The following GTF2I variants were observed in gnomAD, a reference collection of about 807,000 sequenced individuals.
GTF2I encodes the protein general transcription factor IIi.
A neutral mutation model predicts 67.6 loss-of-function variants in GTF2I; 12 were observed. The observed-to-expected ratio is 0.18, with a 90% CI of 0.11 to 0.29. GTF2I has a LOEUF of 0.29. GTF2I is among the 10% of genes least tolerant of loss of function. The probability of loss-of-function intolerance (pLI) is 1.00; values close to 1 mark genes in which losing one functional copy is unlikely to be tolerated. For synonymous variants in GTF2I, 149 were observed against 197.0 expected (o/e 0.76, Z 2.04); for missense variants, 271 against 580.1 (o/e 0.47, Z 5.47).
At chr7:74,659,294 C>T (rs1804258219) in intron 1 of GTF2I, among the ~76,000 whole-genome samples, 1 of 151,948 alleles carries the variant, frequency 6.6e-6, no homozygotes, top group African/African-American at 2.4e-5. Context: ...GTGGCACAAT[C>T]ATAGCACATT....
chr7:74,699,878 T>C (rs1345101341), intron 4 of GTF2I: 1 of 194,074 alleles, frequency 5.2e-6, no homozygotes, highest in Admixed American at 5.3e-5. Context: ...GCCAAAACAT[T>C]CCTGGTATTT....
chr7:74,697,501 C>T (rs1789047099), intron 3 of GTF2I, among the ~76,000 whole-genome samples: 1 of 152,166 alleles, frequency 6.6e-6, no homozygotes, highest in Non-Finnish European at 1.5e-5. Context: ...TTGGACCAGC[C>T]AAGTTGCAAG....
rs370554167 is a variant in GTF2I at position 74,675,852 on chromosome 7, A to G, written c.-5-13272A>G. 3.9e-5 allele frequency among the ~76,000 whole-genome samples: 6 copies of G among 152,192 alleles called. 1 individual carries two copies. In the East Asian group the frequency reaches 7.7e-4, roughly 20 times the overall value. On this transcript the variant is annotated intron_variant, in intron 1 of 34. Coordinates refer to ENST00000573035, the MANE Select transcript of GTF2I (RefSeq NM_032999.4). ...TGGCAAAACCCCGTCTCTACTAAAAATACAAAAATTAGCTGGGCATGGTGA... is the reference window on the plus strand; with the variant it reads ...TGGCAAAACCCCGTCTCTACTAAAAGTACAAAAATTAGCTGGGCATGGTGA...
At chr7:74,665,538 A>C (rs1804903112) in intron 1 of GTF2I, among the ~76,000 whole-genome samples, 1 of 152,178 alleles carries the variant, frequency 6.6e-6, no homozygotes. Context: ...GGCCTGAGCC[A>C]CCACGCCTGG....
intron 3 of GTF2I, among the ~76,000 whole-genome samples, chr7:74,695,148 G>T (rs1554398055): frequency 2.6e-5 from 4 of 151,976 alleles, no homozygotes; most frequent in Non-Finnish European, 5.9e-5. Context: ...AGTTTTTTTT[G>T]AGACAGAGTT....
chr7:74,660,818 C>G (rs587606181), intron 1 of GTF2I, among the ~76,000 whole-genome samples: 7 of 152,026 alleles, frequency 4.6e-5, no homozygotes, highest in Non-Finnish European at 8.8e-5. Flanking sequence ...TGCATCTGGC[C>G]TAGTCACTGG....
At chr7:74,666,453 G>A (rs1804979211) in intron 1 of GTF2I, among the ~76,000 whole-genome samples, 1 of 152,026 alleles carries the variant, frequency 6.6e-6, no homozygotes, top group Non-Finnish European at 1.5e-5. Flanking sequence ...ATGAGGAAAG[G>A]GCAGAGAAAT....
intron 1 of GTF2I, chr7:74,684,803 GCGTC>G (rs1360570409): frequency 6.6e-6 from 1 of 152,246 alleles, no homozygotes; most frequent in Non-Finnish European, 1.5e-5. Context: ...TGTTGCTGTA[GCGTC>G]TGTCCCCCAT....
chr7:74,698,935 T>G, intron 3 of GTF2I, 26 bp from the exon 4 acceptor site: 1 of 1,160,892 alleles, frequency 8.6e-7, no homozygotes, highest in Non-Finnish European at 1.2e-6. Flanking sequence ...ATTATTTTTT[T>G]ATTTTATTTT....
At chr7:74,722,603 T>G (rs1793169841) in intron 12 of GTF2I, 1 of 152,156 alleles carries the variant, frequency 6.6e-6, no homozygotes, top group Non-Finnish European at 1.5e-5. Flanking sequence ...AACCTGATTT[T>G]TTTCCCTTAA....
intron 8 of GTF2I, among the ~76,000 whole-genome samples, chr7:74,707,538 T>G (rs1396247176): frequency 1.3e-5 from 2 of 152,232 alleles, no homozygotes; most frequent in Non-Finnish European, 2.9e-5. Context: ...TGAGAGCTTT[T>G]ATGTATGTAA....
chr7:74,658,817 AAATT>A (rs1344053086), intron 1 of GTF2I, among the ~76,000 whole-genome samples: 2 of 152,046 alleles, frequency 1.3e-5, no homozygotes, highest in Non-Finnish European at 2.9e-5. Context: ...TAGGCCATGA[AAATT>A]AAGCCGTCTG....
Position 74,711,121 on chromosome 7 carries a change from T to A in GTF2I, c.763+12T>A. 8.7e-7 allele frequency: 1 copy of A among 1,146,190 alleles called. No individual in the cohort carries two copies. Among genetic ancestry groups the A allele is most frequent in the Non-Finnish European group, 1.3e-6 (1 of 797,616 alleles). The allele number at this position is 1,146,190 out of a possible 1,614,324, so 71.0% of individuals were successfully genotyped here. A position where few individuals can be genotyped will look rare whatever the true frequency, so the allele number is the denominator to read the frequency against. ...ATATAACATTCAAGGTAATTTGAATTAATGCAATTTTTCTTTCTAAAAATT... is the reference window on the plus strand; with the variant it reads ...ATATAACATTCAAGGTAATTTGAATAAATGCAATTTTTCTTTCTAAAAATT... On this transcript the variant is annotated intron_variant, in intron 9 of 34. Transcript: ENST00000573035.
At chr7:74,709,720 T>C (rs587594705) in intron 8 of GTF2I, among the ~76,000 whole-genome samples, 1 of 152,120 alleles carries the variant, frequency 6.6e-6, no homozygotes, top group South Asian at 2.1e-4. Flanking sequence ...TCGCCCAGGC[T>C]GGAGTGTAGT....
intron 34 of GTF2I, chr7:74,759,167 C>CT (rs1217505916): frequency 6.7e-3 from 471 of 70,670 alleles, no homozygotes; most frequent in South Asian, 0.018. Context: ...ATTAGACTGA[C>CT]TTTTTTTTTT....
Position 74,699,032 on chromosome 7 carries a change from G to T in GTF2I, c.310G>T (p.Val104Leu). 6.4e-7 allele frequency: 1 copy of T among 1,557,044 alleles called. No homozygotes were observed. Among genetic ancestry groups the T allele is most frequent in the Non-Finnish European group, 8.7e-7 (1 of 1,147,010 alleles). ...KSTTQANRMS[V>L]DAVEIETLRK... ...TACAACCCAGGCAAATCGGATGAGT[G>T]TAGATGCTGTAGAAATTGAAACACT... The change falls in exon 4 of 35, where the codon GTA becomes TTA. Residue 104 changes from valine (V) to leucine (L), a missense_variant. Coordinates refer to ENST00000573035, the MANE Select transcript of GTF2I (RefSeq NM_032999.4).
chr7:74,727,683 T>G (rs1266121757), intron 12 of GTF2I: 1 of 152,250 alleles, frequency 6.6e-6, no homozygotes, highest in African/African-American at 2.4e-5. Context: ...TTTCAGTATT[T>G]TATAGATGAT....
intron 9 of GTF2I, among the ~76,000 whole-genome samples, chr7:74,714,423 C>T (rs1448538612): frequency 6.6e-6 from 1 of 152,096 alleles, no homozygotes; most frequent in East Asian, 1.9e-4. Context: ...ACATTTGGTT[C>T]TGCATTTTTC....
At chr7:74,694,911 G>A (rs1584162148) in intron 3 of GTF2I, among the ~76,000 whole-genome samples, 1 of 152,172 alleles carries the variant, frequency 6.6e-6, no homozygotes, top group East Asian at 1.9e-4. Flanking sequence ...GGGTCCTGAA[G>A]AGTTACACTA....
Sources: allele counts gnomAD v4.1 joint callset (sites outside exome capture counted in the v4.1 genomes callset), GRCh38; gene constraint gnomAD v4.1.1; transcripts MANE v1.5; gene names NCBI Gene and HGNC (gene_info 2026-07-23, HGNC 2026-07-21).